Variants in SV2C observed in about 807,000 individuals in gnomAD.
SV2C encodes synaptic vesicle glycoprotein 2C, also known as solute carrier family 22 member B3.
In SV2C, 49 loss-of-function variants were observed where a neutral mutation model predicts 79.7. The observed-to-expected ratio is 0.61, with a 90% CI of 0.49 to 0.78. The LOEUF (loss-of-function observed/expected upper bound fraction) is 0.78. SV2C is among the 30% of genes least tolerant of loss of function. The pLI, the probability that SV2C is intolerant of heterozygous loss-of-function variation, is 0.00. For synonymous variants in SV2C, 334 were observed against 333.2 expected, an observed-to-expected ratio of 1.00 and a Z score of -0.03; for missense variants, 833 against 912.9, an observed-to-expected ratio of 0.91 and a Z score of 1.13.
intron 2 of SV2C, among the ~76,000 whole-genome samples, chr5:76,169,097 C>A (rs947840600): frequency 6.6e-6 from 1 of 152,152 alleles, no homozygotes; most frequent in Non-Finnish European, 1.5e-5. Flanking sequence ...TAAAATGAAA[C>A]AAGAGGATAA....
chr5:76,231,724 G>A (rs907039664), intron 4 of SV2C, among the ~76,000 whole-genome samples: 2 of 143,608 alleles, frequency 1.4e-5, no homozygotes, highest in African/African-American at 3.0e-5. Flanking sequence ...TACTGAGAAC[G>A]ATGATTTCCA....
intron 1 of SV2C, among the ~76,000 whole-genome samples, chr5:76,087,917 T>C (rs6863114): frequency 0.056 from 8,575 of 152,284 alleles, 792 homozygotes; most frequent in African/African-American, 0.19. Flanking sequence ...GACAGTTATA[T>C]ATTTGGTAGC....
chr5:76,145,083 A>C (rs1749377372), intron 2 of SV2C, among the ~76,000 whole-genome samples: 1 of 152,202 alleles, frequency 6.6e-6, no homozygotes, highest in Admixed American at 6.5e-5. Context: ...GGAGGGGCCC[A>C]TGCAATTTGC....
At chr5:76,217,227 G>C (rs144213761) in intron 4 of SV2C, among the ~76,000 whole-genome samples, 1 of 152,112 alleles carries the variant, frequency 6.6e-6, no homozygotes, top group African/African-American at 2.4e-5. Flanking sequence ...GCCATGATGC[G>C]ATGTCCAGGC....
At chr5:75,933,064 G>C in the SV2C span, among the ~76,000 whole-genome samples, 1 of 151,964 alleles carries the variant, frequency 6.6e-6, no homozygotes, top group Non-Finnish European at 1.5e-5. Flanking sequence ...CCTACCTCAG[G>C]GTCTATGCAA....
intron 7 of SV2C, 49 bp downstream of exon 7, chr5:76,291,380 AG>A: frequency 6.8e-7 from 1 of 1,477,696 alleles, no homozygotes; most frequent in South Asian, 1.3e-5. Flanking sequence ...ATTGCATTTG[AG>A]GTTAGTCAGA....
intron 4 of SV2C, among the ~76,000 whole-genome samples, chr5:76,235,825 G>A (rs1041237401): frequency 6.6e-6 from 1 of 151,528 alleles, no homozygotes; most frequent in Non-Finnish European, 1.5e-5. Flanking sequence ...TTCATTAATT[G>A]CGTCTCCTAC....
chr5:76,157,899 G>A (rs1054317289), intron 2 of SV2C, among the ~76,000 whole-genome samples: 2 of 151,694 alleles, frequency 1.3e-5, no homozygotes, highest in Non-Finnish European at 3.0e-5. Flanking sequence ...CATCACAAAA[G>A]GGGAGAAAAG....
the SV2C span, among the ~76,000 whole-genome samples, chr5:75,871,904 G>T: frequency 6.9e-6 from 1 of 145,168 alleles, no homozygotes; most frequent in Non-Finnish European, 1.5e-5. Flanking sequence ...TAACTTTTAG[G>T]GTACATGTGC....
At chr5:75,916,858 T>C in the SV2C span, among the ~76,000 whole-genome samples, 15 of 152,306 alleles carry the variant, frequency 9.8e-5, no homozygotes, top group South Asian at 2.7e-3. Context: ...AGTGCCAGCC[T>C]TGGGCAGGAT....
intron 9 of SV2C, among the ~76,000 whole-genome samples, chr5:76,297,704 T>C (rs563747383): frequency 6.6e-6 from 1 of 152,186 alleles, no homozygotes; most frequent in Non-Finnish European, 1.5e-5. Context: ...TTTAAGCTGA[T>C]TGGTCTGTGA....
At chr5:76,165,588 A>C (rs1250619570) in intron 2 of SV2C, among the ~76,000 whole-genome samples, 1 of 151,940 alleles carries the variant, frequency 6.6e-6, no homozygotes, top group Non-Finnish European at 1.5e-5. Context: ...TAGACATGGA[A>C]TCATGTTGTC....
chr5:76,309,626 C>CAGAA (rs148144933), intron 12 of SV2C, among the ~76,000 whole-genome samples: 2 of 96,700 alleles, frequency 2.1e-5, no homozygotes, highest in East Asian at 2.9e-4. Context: ...AAAAAAAAAA[C>CAGAA]AGAAAGAAAG....
the SV2C span, among the ~76,000 whole-genome samples, chr5:75,950,301 T>C: frequency 1.8e-4 from 27 of 152,140 alleles, no homozygotes; most frequent in Admixed American, 1.5e-3. Flanking sequence ...AGAACACAGC[T>C]GAGAAATAGG....
chr5:76,190,441 G>C (rs1395327568), intron 2 of SV2C, among the ~76,000 whole-genome samples: 1 of 152,174 alleles, frequency 6.6e-6, no homozygotes, highest in Non-Finnish European at 1.5e-5. Context: ...AGAAGACTTT[G>C]GGTAAGTTGA....
the SV2C span, among the ~76,000 whole-genome samples, chr5:76,015,322 C>T: frequency 6.6e-6 from 1 of 151,974 alleles, no homozygotes; most frequent in Non-Finnish European, 1.5e-5. Flanking sequence ...AAAATAAAGC[C>T]AAACAAAAAT....
intron 12 of SV2C, among the ~76,000 whole-genome samples, chr5:76,339,511 G>A (rs569742752): frequency 1.1e-3 from 161 of 152,126 alleles, no homozygotes; most frequent in South Asian, 3.9e-3. Context: ...TCAGGAGATC[G>A]AGACCATCCT....
At chr5:75,973,031 A>G in the SV2C span, among the ~76,000 whole-genome samples, 7 of 152,132 alleles carry the variant, frequency 4.6e-5, no homozygotes, top group Admixed American at 2.0e-4. Context: ...TTGTAGGGAC[A>G]TGGATGAAGC....
the SV2C span, among the ~76,000 whole-genome samples, chr5:75,917,488 T>C: frequency 6.6e-6 from 1 of 152,230 alleles, no homozygotes; most frequent in Non-Finnish European, 1.5e-5. Flanking sequence ...TCACATATAA[T>C]AATCTATGTA....
Sources: allele counts gnomAD v4.1 joint callset (sites outside exome capture counted in the v4.1 genomes callset), GRCh38; gene constraint gnomAD v4.1.1; transcripts MANE v1.5; gene names NCBI Gene and HGNC (gene_info 2026-07-23, HGNC 2026-07-21).